RASGRF1: variants seen among roughly 807,000 people sequenced by gnomAD.
The protein encoded by RASGRF1 is Ras protein specific guanine nucleotide releasing factor 1, also known as ras-specific guanine nucleotide-releasing factor 1.
A neutral mutation model predicts 138.7 loss-of-function variants in RASGRF1; 40 were observed. The ratio of observed to expected loss-of-function variants is 0.29; its 90% CI spans 0.22 to 0.38. RASGRF1 has a LOEUF of 0.38. Among genes scored for constraint, RASGRF1 ranks in the 10% least tolerant of loss-of-function variants. RASGRF1 has a pLI of 1.00. For synonymous variants in RASGRF1, 614 were observed against 663.2 expected, an observed-to-expected ratio of 0.93 and a Z score of 1.14; for missense variants, 1,108 against 1,650.4, an observed-to-expected ratio of 0.67 and a Z score of 5.69.
intron 23 of RASGRF1, among the ~76,000 whole-genome samples, chr15:78,983,628 G>T (rs756289224): frequency 1.3e-5 from 2 of 152,202 alleles, no homozygotes; most frequent in Admixed American, 1.3e-4. Flanking sequence ...CTTGGAATGG[G>T]CCCCCAGACT....
intron 2 of RASGRF1, among the ~76,000 whole-genome samples, chr15:79,061,380 T>C (rs1266786068): frequency 4.2e-5 from 6 of 141,218 alleles, no homozygotes; most frequent in Non-Finnish European, 4.6e-5. Context: ...TAACTTCTCA[T>C]GCAGCAATAG....
chr15:79,033,581 CT>C (rs71148586), intron 6 of RASGRF1, among the ~76,000 whole-genome samples: 36 of 93,976 alleles, frequency 3.8e-4, no homozygotes, highest in African/African-American at 1.5e-3. Flanking sequence ...TTTTTCTTTT[CT>C]TTTTTTTTTT....
rs749139042 is a variant in RASGRF1, at chr15:79,049,581, G to T, written c.539C>A (p.Ser180Tyr). The T allele has an allele frequency of 1.9e-6, 3 of 1,612,964 alleles. No individual in the cohort carries two copies. The highest frequency in any genetic ancestry group is 1.7e-5 in the Admixed American group (1 of 59,924). ...GATGCGCTCATTGTCCTTGAGCAGG[G>T]ATGTGATCTGCAACAGCAACACAGG... ...EIERLKAEIT[S>Y]LLKDNERIQS... The change falls in exon 4 of 27, where the codon TCC (serine) becomes TAC (tyrosine). Residue 180 changes from serine (S) to tyrosine (Y), a missense_variant. Coordinates refer to ENST00000558480, the MANE Select transcript of RASGRF1 (RefSeq NM_001145648.3).
intron 5 of RASGRF1, among the ~76,000 whole-genome samples, chr15:79,037,738 C>T (rs1191967586): frequency 2.0e-5 from 3 of 152,028 alleles, no homozygotes; most frequent in African/African-American, 7.2e-5. Context: ...GGATTACAGG[C>T]GTGAGCCACC....
chr15:79,015,935 T>C (rs2056872358), intron 12 of RASGRF1, among the ~76,000 whole-genome samples: 1 of 152,140 alleles, frequency 6.6e-6, no homozygotes, highest in Non-Finnish European at 1.5e-5. Flanking sequence ...GAAGAGTCCA[T>C]GGGTGTGGGG....
chr15:79,035,074 G>C, intron 6 of RASGRF1, 57 bp downstream of exon 6: 4 of 1,454,040 alleles, frequency 2.8e-6, no homozygotes, highest in Non-Finnish European at 3.8e-6. Flanking sequence ...CCAGGCTTTT[G>C]GGGTGGCCCC....
intron 2 of RASGRF1, among the ~76,000 whole-genome samples, chr15:79,062,907 G>A (rs577563827): frequency 2.7e-5 from 4 of 148,454 alleles, no homozygotes; most frequent in Non-Finnish European, 5.9e-5. Context: ...TCTCTTTCCT[G>A]TATCAGCACC....
At chr15:79,031,060 G>C (rs571292701) in intron 8 of RASGRF1, among the ~76,000 whole-genome samples, 4 of 152,234 alleles carry the variant, frequency 2.6e-5, no homozygotes, top group Non-Finnish European at 5.9e-5. Context: ...GGCCTCCTAT[G>C]GCCACAGGTT....
chr15:79,049,686 G>T, intron 3 of RASGRF1, 98 bp from the exon 4 acceptor site: 3 of 945,340 alleles, frequency 3.2e-6, no homozygotes, highest in Non-Finnish European at 4.8e-6. Context: ...GCAGCCGAGT[G>T]CCCTGCCTCT....
chr15:79,024,901 T>TAC (rs113543109), intron 10 of RASGRF1, among the ~76,000 whole-genome samples: 2 of 149,412 alleles, frequency 1.3e-5, no homozygotes, highest in Non-Finnish European at 3.0e-5. Flanking sequence ...CACGCACACA[T>TAC]ACACACACAC....
intron 8 of RASGRF1, 47 bp downstream of exon 8, chr15:79,031,353 G>C: frequency 6.9e-7 from 1 of 1,441,032 alleles, no homozygotes; most frequent in South Asian, 1.2e-5. Flanking sequence ...GGCACCCTCA[G>C]CCCTGCCCTG....
chr15:79,000,090 C>G (rs2141692816), intron 16 of RASGRF1, among the ~76,000 whole-genome samples, 177 bp from the exon 17 acceptor site: 1 of 152,198 alleles, frequency 6.6e-6, no homozygotes, highest in Middle Eastern at 3.4e-3. Flanking sequence ...GTGTTAGAAG[C>G]TCTGGGGAGA....
chr15:78,984,935 A>C (rs748115101), intron 23 of RASGRF1, 72 bp downstream of exon 23: 13 of 1,515,054 alleles, frequency 8.6e-6, no homozygotes, highest in South Asian at 5.8e-5. Context: ...CCCAGTGGCC[A>C]GCCCACGGGT....
At chr15:79,028,693 G>C (rs1486762157) in intron 8 of RASGRF1, among the ~76,000 whole-genome samples, 1 of 152,088 alleles carries the variant, frequency 6.6e-6, no homozygotes, top group African/African-American at 2.4e-5. Flanking sequence ...GGGAAGGGGG[G>C]CTTCTGGCAA....
intron 26 of RASGRF1, 140 bp downstream of exon 26, chr15:78,971,726 C>T (rs1024052119): frequency 1.3e-6 from 1 of 771,606 alleles, no homozygotes; most frequent in African/African-American, 1.7e-5. Context: ...GGAAGCCTTC[C>T]TTACAGGGAT....
chr15:78,980,958 G>A lies in RASGRF1; in HGVS notation c.3415-259C>T, dbSNP rs192916853. ...TGTGAGGGACCTGAGTGTGGATTTG[G>A]CCCTTGGAAATGCTGCAGGATCCCG... On this transcript the variant is annotated intron_variant, in intron 23 of 26. Transcript: ENST00000558480. 2.2e-4 allele frequency: 74 copies of A among 340,272 alleles called. No individual in the cohort carries two copies. The East Asian group carries it at 2.8e-3, about 13-fold the overall frequency. The allele number at this position is 340,272 out of a possible 1,614,324, so 21.1% of individuals were successfully genotyped here. A position where few individuals can be genotyped will look rare whatever the true frequency, so the allele number is the denominator to read the frequency against.
At chr15:78,971,362 A>G (rs1567422802) in intron 26 of RASGRF1, among the ~76,000 whole-genome samples, 1 of 152,188 alleles carries the variant, frequency 6.6e-6, no homozygotes, top group Non-Finnish European at 1.5e-5. Context: ...GATCTCCAAG[A>G]TATATTATGA....
intron 5 of RASGRF1, among the ~76,000 whole-genome samples, chr15:79,037,929 C>T (rs1206966658): frequency 6.6e-6 from 1 of 151,912 alleles, no homozygotes; most frequent in Non-Finnish European, 1.5e-5. Context: ...AAGGAGCACG[C>T]AACTTAGATC....
rs190137398 is a variant in RASGRF1 at position 79,046,118 on chromosome 15, G to A, written c.878+628C>T. Among the ~76,000 whole-genome samples the A allele has an allele frequency of 5.2e-4, 79 of 152,220 alleles. No individual in the cohort carries two copies. Among genetic ancestry groups the A allele is most frequent in the Non-Finnish European group, 9.3e-4 (63 of 68,012 alleles). ...ACCACAAGCCCCATATTAATGCCAG[G>A]GTCACCATCTGGGAGAAGTGACTTC... is the stretch of plus-strand genomic sequence containing the variant. On this transcript the variant is annotated intron_variant, in intron 5 of 26. Transcript: ENST00000558480. This position sits in a 1 kb window ranked among gnomAD's most constrained non-coding sequence, Gnocchi z 5.3.
Sources: allele counts gnomAD v4.1 joint callset (sites outside exome capture counted in the v4.1 genomes callset), GRCh38; gene constraint gnomAD v4.1.1; non-coding constraint Gnocchi (gnomAD v3.1); transcripts MANE v1.5; gene names NCBI Gene and HGNC (gene_info 2026-07-23, HGNC 2026-07-21).